SOX6: variants seen among roughly 807,000 people sequenced by gnomAD.
SOX6 encodes transcription factor SOX-6.
A neutral mutation model predicts 97.8 loss-of-function variants in SOX6; 11 were observed. The ratio of observed to expected loss-of-function variants is 0.11; its 90% CI spans 0.07 to 0.19. The LOEUF (loss-of-function observed/expected upper bound fraction) is 0.19. Among genes scored for constraint, SOX6 ranks in the 10% least tolerant of loss-of-function variants. The pLI, the probability that SOX6 is intolerant of heterozygous loss-of-function variation, is 1.00. For synonymous variants in SOX6, 360 were observed against 371.4 expected, an observed-to-expected ratio of 0.97 and a Z score of 0.35; for missense variants, 810 against 1,039.5, an observed-to-expected ratio of 0.78 and a Z score of 3.04.
intron 4 of SOX6, among the ~76,000 whole-genome samples, chr11:16,493,958 A>G: frequency 6.6e-6 from 1 of 152,236 alleles, no homozygotes; most frequent in African/African-American, 2.4e-5. Context: ...AAGGATATAC[A>G]AGAATATTCG....
chr11:16,371,200 G>A (rs1193283157), intron 1 of SOX6, among the ~76,000 whole-genome samples: 1 of 151,702 alleles, frequency 6.6e-6, no homozygotes. Context: ...CCTGTACCTT[G>A]AACATACCAA....
chr11:16,375,060 T>C (rs994558065), intron 1 of SOX6, among the ~76,000 whole-genome samples: 10 of 151,662 alleles, frequency 6.6e-5, no homozygotes, highest in Non-Finnish European at 1.2e-4. Context: ...AAGCAACATC[T>C]AACAAAAAAA....
chr11:16,672,385 C>T (rs116165655), intron 3 of SOX6, among the ~76,000 whole-genome samples: 1,691 of 152,288 alleles, frequency 0.011, 24 homozygotes, highest in African/African-American at 0.039. Flanking sequence ...CTGTATTAGT[C>T]CATTTTCATG....
chr11:16,546,182 G>T (rs189275546), intron 4 of SOX6, among the ~76,000 whole-genome samples: 69 of 152,140 alleles, frequency 4.5e-4, no homozygotes, highest in Non-Finnish European at 4.3e-4. Flanking sequence ...ACAAAATGCT[G>T]ATGAAAGAAA....
At chr11:16,183,997 C>T (rs1269032075) in intron 5 of SOX6, 43 bp from the exon 6 acceptor site, 3 of 1,529,016 alleles carry the variant, frequency 2.0e-6, no homozygotes, top group East Asian at 2.3e-5. Flanking sequence ...GAAATGCTTA[C>T]ACCTCTGCCA....
intron 9 of SOX6, among the ~76,000 whole-genome samples, chr11:16,057,287 T>C (rs1165953822): frequency 6.6e-6 from 1 of 152,178 alleles, no homozygotes; most frequent in African/African-American, 2.4e-5. Flanking sequence ...GTGTTTACTG[T>C]TTTATATTAT....
At chr11:16,526,323 G>C (rs1280310979) in intron 4 of SOX6, among the ~76,000 whole-genome samples, 2 of 152,072 alleles carry the variant, frequency 1.3e-5, no homozygotes, top group African/African-American at 4.8e-5. Flanking sequence ...ATGAGTTCAT[G>C]TCCTTTGTAG....
intron 3 of SOX6, among the ~76,000 whole-genome samples, chr11:16,643,602 C>G (rs1848960991): frequency 6.6e-6 from 1 of 152,214 alleles, no homozygotes; most frequent in Non-Finnish European, 1.5e-5. Flanking sequence ...CCTACTCAAG[C>G]CTCAGCAATG....
chr11:16,379,025 CTG>C (rs1857728064), intron 1 of SOX6, among the ~76,000 whole-genome samples: 1 of 152,006 alleles, frequency 6.6e-6, no homozygotes, highest in Admixed American at 6.6e-5. Context: ...TATAAGGAAA[CTG>C]AGACACTGAG....
chr11:16,197,409 T>C (rs1316235351), intron 4 of SOX6, among the ~76,000 whole-genome samples: 1 of 152,164 alleles, frequency 6.6e-6, no homozygotes, highest in Non-Finnish European at 1.5e-5. Flanking sequence ...TAATCATAGA[T>C]AGCTCATAGT....
chr11:16,433,710 A>T (rs1859315242), intron 1 of SOX6, among the ~76,000 whole-genome samples: 1 of 152,130 alleles, frequency 6.6e-6, no homozygotes, highest in Non-Finnish European at 1.5e-5. Flanking sequence ...TAGTTAATAA[A>T]TTAATGCTGA....
intron 1 of SOX6, among the ~76,000 whole-genome samples, chr11:16,419,627 T>G (rs1858989763): frequency 6.6e-6 from 1 of 152,178 alleles, no homozygotes; most frequent in African/African-American, 2.4e-5. Flanking sequence ...AATACCTGAC[T>G]TCTAGATAAT....
chr11:16,714,405 G>C (rs1720032586), intron 3 of SOX6, among the ~76,000 whole-genome samples: 1 of 137,218 alleles, frequency 7.3e-6, no homozygotes, highest in African/African-American at 2.7e-5. Flanking sequence ...AAATACCTTT[G>C]TTATTTACCT....
At chr11:16,498,607 G>C (rs1343319636) in intron 4 of SOX6, among the ~76,000 whole-genome samples, 3 of 152,124 alleles carry the variant, frequency 2.0e-5, no homozygotes, top group Non-Finnish European at 4.4e-5. Context: ...TAAAGGGATG[G>C]AGGAAGATCT....
chr11:16,415,086 T>G (rs987482549), intron 1 of SOX6, among the ~76,000 whole-genome samples: 2 of 152,126 alleles, frequency 1.3e-5, no homozygotes, highest in African/African-American at 4.8e-5. Flanking sequence ...TTTTTCAATA[T>G]TTTTATTTTG....
At chr11:16,093,536 C>A (rs1848735004) in intron 9 of SOX6, among the ~76,000 whole-genome samples, 1 of 151,818 alleles carries the variant, frequency 6.6e-6, no homozygotes, top group African/African-American at 2.4e-5. Context: ...AAATGACAAC[C>A]TTTGAAGGAC....
chr11:16,157,275 C>T (rs537476763), intron 6 of SOX6, among the ~76,000 whole-genome samples: 3 of 152,098 alleles, frequency 2.0e-5, no homozygotes, highest in East Asian at 1.9e-4. Context: ...AAATGTTCTC[C>T]TTGTCTCTAC....
intron 1 of SOX6, among the ~76,000 whole-genome samples, chr11:16,381,005 C>G (rs1170764582): frequency 1.2e-5 from 1 of 80,424 alleles, no homozygotes; most frequent in African/African-American, 4.3e-5. Context: ...TTTAAACTTA[C>G]AGTAAAAAAA....
At chr11:16,602,219 A>G (rs772264114) in intron 4 of SOX6, among the ~76,000 whole-genome samples, 3 of 152,210 alleles carry the variant, frequency 2.0e-5, no homozygotes, top group South Asian at 2.1e-4. Flanking sequence ...ACAAAAAGCT[A>G]TCTAGTTTTG....
Sources: allele counts gnomAD v4.1 joint callset (sites outside exome capture counted in the v4.1 genomes callset), GRCh38; gene constraint gnomAD v4.1.1; transcripts MANE v1.5; gene names NCBI Gene and HGNC (gene_info 2026-07-23, HGNC 2026-07-21).